The following SEMA3D variants were observed in gnomAD, a reference collection of about 807,000 sequenced individuals.
SEMA3D encodes semaphorin 3D.
In SEMA3D, 84 loss-of-function variants were observed where a neutral mutation model predicts 100.1. That is an observed-to-expected ratio of 0.84 (90% CI 0.70 to 1.01). The LOEUF (loss-of-function observed/expected upper bound fraction) is 1.01. Among genes scored for constraint, SEMA3D ranks in the 50% least tolerant of loss-of-function variants. SEMA3D has a pLI of 0.00. For synonymous variants in SEMA3D, 312 were observed against 320.7 expected, an observed-to-expected ratio of 0.97 and a Z score of 0.29; for missense variants, 875 against 934.1, an observed-to-expected ratio of 0.94 and a Z score of 0.82.
intron 12 of SEMA3D, among the ~76,000 whole-genome samples, chr7:85,034,133 TTAA>T (rs989138093): frequency 6.6e-6 from 1 of 152,072 alleles, no homozygotes; most frequent in Non-Finnish European, 1.5e-5. Context: ...TATAATGGAA[TTAA>T]TAATAATAGC....
At position 85,064,492 on chromosome 7, in the gene SEMA3D, A is replaced by C. The variant is rs975228468; in HGVS notation, c.718+932T>G. ...AAATAGATCTGGAGTTTTTGACTAAAGAAATGTTTTCAAAGTGTTTTTCCT... is the reference window on the plus strand; with the variant it reads ...AAATAGATCTGGAGTTTTTGACTAACGAAATGTTTTCAAAGTGTTTTTCCT... On this transcript the variant is annotated intron_variant, in intron 8 of 18. Coordinates refer to ENST00000284136, the MANE Select transcript of SEMA3D (RefSeq NM_001384900.1). 2.0e-5 allele frequency among the ~76,000 whole-genome samples: 3 copies of C among 152,208 alleles called. No individual in the cohort carries two copies. In the South Asian group the frequency reaches 6.2e-4, roughly 31 times the overall value.
Position 85,055,862 on chromosome 7 carries a change from G to T in SEMA3D, c.719-3C>A. ...GAAAGTTCCAATAAATTTTGCTCCT[G>T]TTTGAAAGAAAAGAAGCTATAAATT... is the stretch of plus-strand genomic sequence containing the variant. On this transcript the variant is annotated splice_region_variant and splice_polypyrimidine_tract_variant and intron_variant, in intron 8 of 18. Transcript: ENST00000284136. 3.3e-6 allele frequency: 5 copies of T among 1,512,686 alleles called. No individual in the cohort carries two copies. Among genetic ancestry groups the T allele is most frequent in the Non-Finnish European group, 4.5e-6 (5 of 1,106,350 alleles). The allele number at this position is 1,512,686 out of a possible 1,614,324, so 93.7% of individuals were successfully genotyped here. A position where few individuals can be genotyped will look rare whatever the true frequency, so the allele number is the denominator to read the frequency against.
At chr7:85,238,716 A>C in the SEMA3D span, among the ~76,000 whole-genome samples, 2 of 152,188 alleles carry the variant, frequency 1.3e-5, no homozygotes, top group African/African-American at 2.4e-5. Context: ...TTAGGTTGTC[A>C]ATATCCACAA....
At chr7:85,159,669 A>AATAAAATG (rs1790691971) in intron 1 of SEMA3D, among the ~76,000 whole-genome samples, 1 of 152,186 alleles carries the variant, frequency 6.6e-6, no homozygotes, top group Admixed American at 6.5e-5. Flanking sequence ...CTAATTTGTG[A>AATAAAATG]ATAAAATGAT....
At chr7:85,178,903 G>C (rs765627042) in intron 1 of SEMA3D, among the ~76,000 whole-genome samples, 2 of 152,148 alleles carry the variant, frequency 1.3e-5, no homozygotes, top group African/African-American at 4.8e-5. Flanking sequence ...TGTGTTCCAG[G>C]TGCTCCAGCC....
At position 85,179,584 on chromosome 7, in the gene SEMA3D, T is replaced by C. The variant is rs1486539621; in HGVS notation, c.-173+7094A>G. Among the ~76,000 whole-genome samples, 4 of 152,108 alleles carry C rather than the reference T, an allele frequency of 2.6e-5. No individual in the cohort carries two copies. The East Asian group carries it at 7.7e-4, about 29-fold the overall frequency. ...CCTGTACCCCAATTATATTTTGAAG[T>C]AACTAACTTGCTTTTGATTTTCCAG... On this transcript the variant is annotated intron_variant, in intron 1 of 18. Coordinates refer to ENST00000284136, the MANE Select transcript of SEMA3D (RefSeq NM_001384900.1).
intron 7 of SEMA3D, among the ~76,000 whole-genome samples, chr7:85,067,203 T>C (rs1252859179): frequency 6.6e-6 from 1 of 152,154 alleles, no homozygotes; most frequent in African/African-American, 2.4e-5. Context: ...GATCTGAATA[T>C]CCAGGCTTTC....
At chr7:85,194,232 A>C in the SEMA3D span, among the ~76,000 whole-genome samples, 1 of 152,144 alleles carries the variant, frequency 6.6e-6, no homozygotes, top group Admixed American at 6.5e-5. Context: ...TAGGAGTTTC[A>C]GTACTTTTTT....
At chr7:85,104,903 A>G (rs1053288038) in intron 3 of SEMA3D, among the ~76,000 whole-genome samples, 3 of 152,042 alleles carry the variant, frequency 2.0e-5, no homozygotes, top group African/African-American at 7.2e-5. Context: ...TTAACTTCCA[A>G]TGTATTCCAA....
chr7:85,226,844 C>T, the SEMA3D span, among the ~76,000 whole-genome samples: 1 of 152,064 alleles, frequency 6.6e-6, no homozygotes, highest in Admixed American at 6.6e-5. Flanking sequence ...AAAGTGCATG[C>T]CACGTACTTC....
At chr7:85,215,517 C>A in the SEMA3D span, among the ~76,000 whole-genome samples, 3 of 152,014 alleles carry the variant, frequency 2.0e-5, no homozygotes, top group Non-Finnish European at 4.4e-5. Context: ...GAGCAAGAGA[C>A]GGAGAACTGC....
At chr7:85,051,537 C>A (rs1210433627) in intron 9 of SEMA3D, among the ~76,000 whole-genome samples, 1 of 151,894 alleles carries the variant, frequency 6.6e-6, no homozygotes, top group African/African-American at 2.4e-5. Flanking sequence ...CCATTGGATT[C>A]TATCCTTGCC....
the SEMA3D span, among the ~76,000 whole-genome samples, chr7:85,210,446 T>G: frequency 1.3e-5 from 2 of 152,054 alleles, no homozygotes; most frequent in African/African-American, 4.8e-5. Flanking sequence ...TATCCATATG[T>G]GCATAAACAT....
chr7:85,175,340 G>A (rs1791196210), intron 1 of SEMA3D, among the ~76,000 whole-genome samples: 1 of 152,164 alleles, frequency 6.6e-6, no homozygotes, highest in Admixed American at 6.5e-5. Flanking sequence ...GAGGAATCCT[G>A]TAATATCTTA....
intron 17 of SEMA3D, 71 bp downstream of exon 17, chr7:85,012,711 A>T: frequency 8.6e-7 from 1 of 1,159,666 alleles, no homozygotes. Flanking sequence ...TTTAAGTCAT[A>T]TAATAAAAAG....
chr7:85,101,630 T>C (rs781099385), intron 3 of SEMA3D, among the ~76,000 whole-genome samples: 1 of 152,034 alleles, frequency 6.6e-6, no homozygotes, highest in Non-Finnish European at 1.5e-5. Flanking sequence ...GTCTGGCACA[T>C]AGTAAGTGCT....
chr7:85,014,050 G>A (rs1024252334), intron 16 of SEMA3D, among the ~76,000 whole-genome samples: 1 of 151,664 alleles, frequency 6.6e-6, no homozygotes, highest in African/African-American at 2.4e-5. Flanking sequence ...TTAATTCATG[G>A]ATTTCAGGGA....
At chr7:85,242,977 G>C in the SEMA3D span, among the ~76,000 whole-genome samples, 1 of 152,088 alleles carries the variant, frequency 6.6e-6, no homozygotes, top group Non-Finnish European at 1.5e-5. Flanking sequence ...GGTTTGCGGG[G>C]AGAGAAAATA....
the SEMA3D span, among the ~76,000 whole-genome samples, chr7:85,195,207 T>C: frequency 6.6e-6 from 1 of 152,112 alleles, no homozygotes; most frequent in East Asian, 1.9e-4. Flanking sequence ...AAAATCCCCC[T>C]TATTCTGCCC....
Sources: gnomAD v4.1 joint callset for allele counts (sites outside exome capture counted in the v4.1 genomes callset) on GRCh38, gnomAD v4.1.1 for gene constraint, MANE v1.5 for transcripts, NCBI Gene and HGNC (gene_info 2026-07-23, HGNC 2026-07-21) for gene names.